Variants in ZIM2 observed in about 807,000 individuals in gnomAD.
The protein encoded by ZIM2 is zinc finger protein 656.
Under a neutral mutation model 38.6 loss-of-function variants are expected in ZIM2, and 14 were observed. The ratio of observed to expected loss-of-function variants is 0.36; its 90% CI spans 0.24 to 0.57. The LOEUF (loss-of-function observed/expected upper bound fraction) is 0.57, where lower values mean the gene tolerates loss of function less well. ZIM2 is among the 20% of genes least tolerant of loss of function. ZIM2 has a pLI of 0.81. For synonymous variants in ZIM2, 247 were observed against 245.8 expected, an observed-to-expected ratio of 1.00 and a Z score of -0.04; for missense variants, 680 against 695.1, an observed-to-expected ratio of 0.98 and a Z score of 0.24.
At chr19:56,815,141 C>G (rs1458769554) in intron 9 of ZIM2, 1 of 1,613,934 alleles carries the variant, frequency 6.2e-7, no homozygotes, top group Middle Eastern at 1.6e-4. Context: ...TCATCAGGGT[C>G]ATCCTTCTGA....
intron 9 of ZIM2, among the ~76,000 whole-genome samples, chr19:56,792,448 T>C (rs561396714): frequency 6.7e-6 from 1 of 148,166 alleles, no homozygotes; most frequent in South Asian, 2.1e-4. Context: ...GGAGAATTGC[T>C]TGAACCCGGG....
At chr19:56,804,192 T>C (rs767921595) in intron 9 of ZIM2, among the ~76,000 whole-genome samples, 3 of 152,194 alleles carry the variant, frequency 2.0e-5, no homozygotes, top group Non-Finnish European at 4.4e-5. Context: ...CAGGGGAAGA[T>C]GAGAAAGTTT....
intron 9 of ZIM2, chr19:56,813,171 A>G (rs1008215364): frequency 6.1e-6 from 6 of 980,748 alleles, no homozygotes; most frequent in Non-Finnish European, 7.3e-6. Flanking sequence ...ACTTAAAAAT[A>G]TAATCAAATT....
chr19:56,812,735 CT>C (rs2059621113), intron 9 of ZIM2: 1 of 984,332 alleles, frequency 1.0e-6, no homozygotes, highest in African/African-American at 1.8e-5. Context: ...GTAACCCATT[CT>C]TTAAAGGCAA....
At chr19:56,826,951 A>G (rs1414091555) in intron 2 of ZIM2, among the ~76,000 whole-genome samples, 1 of 152,222 alleles carries the variant, frequency 6.6e-6, no homozygotes. Context: ...TGAAAGCTAT[A>G]TATCAGAATG....
At chr19:56,818,498 A>C (rs2060190444) in intron 8 of ZIM2, 102 bp downstream of exon 8, 12 of 1,242,702 alleles carry the variant, frequency 9.7e-6, no homozygotes, top group Admixed American at 2.2e-5. Context: ...CTTGAAGTCC[A>C]AATATATTAA....
intron 9 of ZIM2, chr19:56,813,779 C>T: frequency 3.7e-6 from 6 of 1,614,128 alleles, no homozygotes; most frequent in South Asian, 1.1e-5. Context: ...TGATTGGCAC[C>T]ACCTGTGCTG....
chr19:56,793,084 G>A (rs1256909724), intron 9 of ZIM2: 3 of 152,654 alleles, frequency 2.0e-5, no homozygotes, highest in African/African-American at 7.2e-5. Context: ...CCTCACCCAT[G>A]TCTGAATCTC....
At chr19:56,824,786 C>T in intron 3 of ZIM2, 9 of 889,982 alleles carry the variant, frequency 1.0e-5, no homozygotes, top group Non-Finnish European at 1.0e-5. Context: ...AAGTTGAAGA[C>T]CAGGCAGCAG....
At chr19:56,797,729 G>T (rs1170293299) in intron 9 of ZIM2, among the ~76,000 whole-genome samples, 1 of 152,142 alleles carries the variant, frequency 6.6e-6, no homozygotes, top group African/African-American at 2.4e-5. Flanking sequence ...ATGATTCAGA[G>T]GCTGTGAGTT....
chr19:56,799,789 GTCAA>G (rs2047420071), intron 9 of ZIM2: 1 of 152,186 alleles, frequency 6.6e-6, no homozygotes, highest in African/African-American at 2.4e-5. Flanking sequence ...CAGCCCAGGT[GTCAA>G]TCAATAGTAG....
intron 9 of ZIM2, chr19:56,811,290 A>G: frequency 1.1e-6 from 1 of 915,024 alleles, no homozygotes; most frequent in Non-Finnish European, 1.3e-6. Context: ...ATAAGCATAT[A>G]TATTTTTAAA....
At chr19:56,808,923 CTCTGAG>C (rs749666696) in intron 9 of ZIM2, among the ~76,000 whole-genome samples, 22 of 152,080 alleles carry the variant, frequency 1.4e-4, no homozygotes, top group Non-Finnish European at 2.4e-4. Context: ...GTAGCCCTCA[CTCTGAG>C]TCTGACTGGA....
chr19:56,811,609 C>G (rs534107764), intron 9 of ZIM2: 1 of 985,388 alleles, frequency 1.0e-6, no homozygotes, highest in East Asian at 1.1e-4. Flanking sequence ...CCACTGCCAA[C>G]AATGTTAACA....
At chr19:56,812,931 T>C (rs1050387625) in intron 9 of ZIM2, 21 of 985,600 alleles carry the variant, frequency 2.1e-5, no homozygotes, top group Non-Finnish European at 2.5e-5. Flanking sequence ...CCAATCCGTA[T>C]ATTGTAAAGC....
intron 10 of ZIM2, 28 bp from the exon 11 acceptor site, chr19:56,782,149 G>C: frequency 6.2e-7 from 1 of 1,607,506 alleles, no homozygotes; most frequent in East Asian, 2.2e-5. Context: ...GAAGGGACGT[G>C]ATTAGAGAGG....
chr19:56,774,762 C>T lies in ZIM2; in HGVS notation c.1603G>A (p.Gly535Ser), dbSNP rs138640675. The change falls in exon 13 of 13, where the codon GGC (glycine) becomes AGC (serine). Residue 535 changes from glycine to serine, a missense_variant. Gly to Ser is a moderately conservative substitution (Grantham distance 56). Coordinates refer to ENST00000629319, the MANE Select transcript of ZIM2 (RefSeq NM_001387356.1). ...YQCQLCGKCF[G>S]RPSYLTQHYQ... is the part of the protein sequence containing the mutation. ...TGTTGAGTGAGGTATGAGGGTCGGC[C>T]GAAACATTTCCCACATAGCTGACAC... 4.4e-5 allele frequency: 71 copies of T among 1,613,912 alleles called. No individual in the cohort carries two copies. Among genetic ancestry groups the T allele is most frequent in the South Asian group, 3.4e-4 (31 of 91,070 alleles).
At chr19:56,816,152 T>A in intron 9 of ZIM2, 1 of 1,613,942 alleles carries the variant, frequency 6.2e-7, no homozygotes, top group Non-Finnish European at 8.5e-7. Flanking sequence ...TTTTCCTTAG[T>A]GGGAATCTTC....
rs78730628 is a variant in ZIM2 at position 56,829,978 on chromosome 19, G to A, written c.-226-3515C>T. On this transcript the variant is annotated intron_variant, in intron 2 of 12. Transcript: ENST00000629319. ...TGCTGAGAGGAAGAAAGGTCTAAAG[G>A]CTTGCCTGATGCTATCAAATGAAAT... Among the ~76,000 whole-genome samples, 26 of 152,326 alleles carry A rather than the reference G, an allele frequency of 1.7e-4. No individual in the cohort carries two copies. In the East Asian group the frequency reaches 4.8e-3, roughly 28 times the overall value.
Sources: allele counts gnomAD v4.1 joint callset (sites outside exome capture counted in the v4.1 genomes callset), GRCh38; gene constraint gnomAD v4.1.1; transcripts MANE v1.5; gene names NCBI Gene and HGNC (gene_info 2026-07-23, HGNC 2026-07-21).